The following IPP variants were observed in gnomAD, a reference collection of about 807,000 sequenced individuals.
IPP encodes intracisternal A particle-promoted polypeptide.
In IPP, 41 loss-of-function variants were observed where a neutral mutation model predicts 64.1. That is an observed-to-expected ratio of 0.64 (90% CI 0.50 to 0.83). IPP has a LOEUF of 0.83. IPP is among the 40% of genes least tolerant of loss of function. The pLI is 0.00. For missense variants in IPP, 649 were observed against 703.0 expected (o/e 0.92, Z 0.87); for synonymous variants, 214 against 235.2 (o/e 0.91, Z 0.83).
At chr1:45,743,115 T>A (rs1646088108) in intron 2 of IPP, among the ~76,000 whole-genome samples, 1 of 151,710 alleles carries the variant, frequency 6.6e-6, no homozygotes, top group Middle Eastern at 3.2e-3. Flanking sequence ...TTTTTGTATT[T>A]TCAGTAGGGA....
At position 45,698,924 on chromosome 1, in the gene IPP, G is replaced by A. The variant is rs932195199; in HGVS notation, c.*1042C>T. ...TTTGGTAGAGACGGAGTCTCATCAC[G>A]TTGCCCAGGCTAGTCTCGAACTCCT... On this transcript the variant is annotated 3_prime_UTR_variant, in exon 9 of 9. Transcript: ENST00000396478. 11 of 448,550 alleles carry A rather than the reference G, an allele frequency of 2.5e-5. No homozygotes were observed. The highest frequency in any genetic ancestry group is 2.9e-5 in the Non-Finnish European group (10 of 339,834). The allele number at this position is 448,550 out of a possible 1,614,324, so 27.8% of individuals were successfully genotyped here. A position where few individuals can be genotyped will look rare whatever the true frequency, so the allele number is the denominator to read the frequency against.
chr1:45,735,177 G>A (rs369933550), intron 3 of IPP, among the ~76,000 whole-genome samples: 3 of 150,262 alleles, frequency 2.0e-5, no homozygotes, highest in African/African-American at 7.3e-5. Context: ...TCAACCTCCT[G>A]GGTTCAAGTG....
intron 3 of IPP, among the ~76,000 whole-genome samples, chr1:45,738,798 C>T (rs1357844719): frequency 7.0e-6 from 1 of 143,470 alleles, no homozygotes; most frequent in African/African-American, 2.6e-5. Context: ...CGAGATTGTG[C>T]CACTGCACTC....
intron 4 of IPP, among the ~76,000 whole-genome samples, chr1:45,728,171 T>TGTGC (rs1645858700): frequency 6.7e-6 from 1 of 148,244 alleles, no homozygotes; most frequent in Non-Finnish European, 1.5e-5. Flanking sequence ...TGTGTGTGTG[T>TGTGC]GTTTGAGGCA....
At position 45,729,749 on chromosome 1, in the gene IPP, G is replaced by C. The variant is rs756146627; in HGVS notation, c.745C>G (p.Arg249Gly). The C allele has an allele frequency of 6.3e-7, 1 of 1,585,162 alleles. No individual in the cohort carries two copies. Among genetic ancestry groups the C allele is most frequent in the South Asian group, 1.2e-5 (1 of 86,456 alleles). ...YIEGVSDFNL[R>G]VALQTLLKEY... Reference sequence around the variant, plus strand: ...TTCAGAAGTGTTTGCAATGCAACACGAAGATTAAAATCGGATACTCCTAAA... The same window carrying C: ...TTCAGAAGTGTTTGCAATGCAACACCAAGATTAAAATCGGATACTCCTAAA... Residue 249 changes from arginine (R) to glycine (G), a missense_variant, in exon 4 of 9, where the codon CGT (arginine) becomes GGT (glycine). By Grantham distance (125) the Arg-to-Gly change is moderately radical (BLOSUM62 -2). Transcript: ENST00000396478.
intron 2 of IPP, among the ~76,000 whole-genome samples, chr1:45,743,960 T>C (rs975043903): frequency 6.7e-6 from 1 of 150,368 alleles, no homozygotes; most frequent in Admixed American, 6.7e-5. Flanking sequence ...GACGTTGCAG[T>C]GAGCCAAGAT....
chr1:45,742,010 G>A (rs1646073607), intron 2 of IPP, among the ~76,000 whole-genome samples: 1 of 152,156 alleles, frequency 6.6e-6, no homozygotes, highest in Non-Finnish European at 1.5e-5. Context: ...CAAGGTAGGG[G>A]TTGACATCAA....
intron 3 of IPP, among the ~76,000 whole-genome samples, chr1:45,736,265 T>C (rs1178636946): frequency 6.6e-6 from 1 of 152,138 alleles, no homozygotes; most frequent in East Asian, 1.9e-4. Flanking sequence ...CCTATTGTTG[T>C]TTTTATATTT....
At chr1:45,706,590 C>T (rs1022964093) in intron 8 of IPP, among the ~76,000 whole-genome samples, 1 of 152,088 alleles carries the variant, frequency 6.6e-6, no homozygotes, top group Non-Finnish European at 1.5e-5. Context: ...GCTGGGATTA[C>T]AGGCATGCAC....
chr1:45,714,385 C>G lies in IPP; in HGVS notation c.1391G>C (p.Arg464Pro). ...SFEVYDPLSK[R>P]WSPLPPMGTR... is the part of the protein sequence containing the mutation. ...TCCCATTGGAGGAAGTGGAGACCAA[C>G]GCTTAGAAAGTGGATCATAGACTTC... Residue 464 changes from arginine (R) to proline (P), a missense_variant, in exon 8 of 9, where the codon CGT becomes CCT. Transcript: ENST00000396478. 1 of 1,613,980 alleles carries G rather than the reference C, an allele frequency of 6.2e-7. No individual in the cohort carries two copies. The highest frequency in any genetic ancestry group is 8.5e-7 in the Non-Finnish European group (1 of 1,179,824).
rs1163566859 is a variant in IPP at position 45,700,055 on chromosome 1, C to G, written c.1666G>C (p.Val556Leu). Residue 556 changes from valine (V) to leucine (L), a missense_variant, in exon 9 of 9, where the codon GTT (valine) becomes CTT (leucine). Val to Leu is a conservative substitution (Grantham distance 32). Transcript: ENST00000396478. ...DFLAPGTLDS[V>L]EVYNPHSDTW... ...TCTGAATGAGGGTTATAAACTTCAA[C>G]TGAGTCCAAGGTACCTGGAGCCAAA... The G allele has an allele frequency of 6.2e-7, 1 of 1,614,184 alleles. No individual in the cohort carries two copies. The highest frequency in any genetic ancestry group is 2.2e-5 in the East Asian group (1 of 44,892).
At chr1:45,702,447 T>C (rs1645467631) in intron 8 of IPP, among the ~76,000 whole-genome samples, 1 of 152,102 alleles carries the variant, frequency 6.6e-6, no homozygotes, top group Non-Finnish European at 1.5e-5. Flanking sequence ...TTGTCGTTGT[T>C]GTTGTTGTTA....
At position 45,698,833 on chromosome 1, in the gene IPP, C is replaced by T. The variant is rs1408616167; in HGVS notation, c.*1133G>A. The T allele has an allele frequency of 3.3e-6, 1 of 300,606 alleles. No homozygotes were observed. Among genetic ancestry groups the T allele is most frequent in the African/African-American group, 2.3e-5 (1 of 43,944 alleles). 18.6% of individuals were successfully genotyped at this position (300,606 alleles called of 1,614,324 possible). On this transcript the variant is annotated 3_prime_UTR_variant, in exon 9 of 9. Transcript: ENST00000396478. ...TCCTGGGCTCAAGTGATCCTGCAAC[C>T]TCAGCCTCCCAAGCAGATGGGACCA...
chr1:45,704,298 C>T (rs1013880646), intron 8 of IPP, among the ~76,000 whole-genome samples: 7 of 150,078 alleles, frequency 4.7e-5, no homozygotes, highest in Non-Finnish European at 8.9e-5. Flanking sequence ...AGTGCAGTGG[C>T]GTGATCTTGG....
intron 6 of IPP, among the ~76,000 whole-genome samples, chr1:45,717,730 G>A (rs769582485): frequency 6.6e-6 from 1 of 151,922 alleles, no homozygotes; most frequent in East Asian, 1.9e-4. Flanking sequence ...AGCCAAGTTG[G>A]TCTCGATCTC....
chr1:45,699,905 T>C lies in IPP; in HGVS notation c.*61A>G. 1 of 1,579,536 alleles carries C rather than the reference T, an allele frequency of 6.3e-7. No homozygotes were observed. Among genetic ancestry groups the C allele is most frequent in the South Asian group, 1.2e-5 (1 of 86,340 alleles). ...TCTTATCACCAAATCTATGTTTGCT[T>C]TGCAAAAGGTCAGGTCCTGCATTTT... On this transcript the variant is annotated 3_prime_UTR_variant, in exon 9 of 9. Transcript: ENST00000396478.
chr1:45,728,319 A>G (rs1480610135), intron 4 of IPP, among the ~76,000 whole-genome samples: 1 of 151,682 alleles, frequency 6.6e-6, no homozygotes, highest in African/African-American at 2.4e-5. Flanking sequence ...TTTAAGAAGC[A>G]CCCAAAAGCA....
intron 3 of IPP, among the ~76,000 whole-genome samples, chr1:45,736,120 A>C (rs1291282011): frequency 6.6e-6 from 1 of 151,672 alleles, no homozygotes; most frequent in Non-Finnish European, 1.5e-5. Context: ...CAAAAAAAAA[A>C]AAAAAAATTT....
At chr1:45,735,621 A>ATTT (rs1160000550) in intron 3 of IPP, among the ~76,000 whole-genome samples, 330 of 57,490 alleles carry the variant, frequency 5.7e-3, no homozygotes, top group Non-Finnish European at 6.9e-3. Context: ...AGACCTGGCT[A>ATTT]TTTTTTTTTT....
Sources: allele counts gnomAD v4.1 joint callset (sites outside exome capture counted in the v4.1 genomes callset), GRCh38; gene constraint gnomAD v4.1.1; transcripts MANE v1.5; gene names NCBI Gene and HGNC (gene_info 2026-07-23, HGNC 2026-07-21).